The following RHOU variants were observed in gnomAD, a reference collection of about 807,000 sequenced individuals.
RHOU encodes the protein rho-related GTP-binding protein RhoU.
In RHOU, 8 loss-of-function variants were observed where a neutral mutation model predicts 12.6. The observed-to-expected ratio is 0.64, with a 90% CI of 0.37 to 1.15. RHOU has a LOEUF of 1.15. Among genes scored for constraint, RHOU ranks in the 50% most tolerant of loss-of-function variants. The pLI, the probability that RHOU is intolerant of heterozygous loss-of-function variation, is 0.01. For missense variants in RHOU, 258 were observed against 347.0 expected (o/e 0.74, Z 2.04); for synonymous variants, 161 against 147.4 (o/e 1.09, Z -0.67).
chr1:228,683,108 C>G, the RHOU span, among the ~76,000 whole-genome samples: 1 of 152,116 alleles, frequency 6.6e-6, no homozygotes, highest in Non-Finnish European at 1.5e-5. Flanking sequence ...AAATTGCCAC[C>G]CTTGGGATCT....
At chr1:228,653,465 A>G in the RHOU span, among the ~76,000 whole-genome samples, 13 of 152,262 alleles carry the variant, frequency 8.5e-5, 1 homozygote, top group South Asian at 2.5e-3. Flanking sequence ...GATTACAGGC[A>G]TGCTCCACCA....
the RHOU span, among the ~76,000 whole-genome samples, chr1:228,722,833 G>A: frequency 6.6e-6 from 1 of 152,138 alleles, no homozygotes; most frequent in Admixed American, 6.5e-5. Context: ...ACGTTGGCCA[G>A]GATGGTCTCG....
the RHOU span, among the ~76,000 whole-genome samples, chr1:228,698,622 C>G: frequency 1.3e-5 from 2 of 152,210 alleles, no homozygotes; most frequent in Non-Finnish European, 2.9e-5. Flanking sequence ...CTCATTTACT[C>G]TAAACCATGG....
chr1:228,670,599 C>T, the RHOU span, among the ~76,000 whole-genome samples: 164 of 152,318 alleles, frequency 1.1e-3, no homozygotes, highest in African/African-American at 3.8e-3. Flanking sequence ...CTGGAACGTT[C>T]TATGATGACT....
At chr1:228,655,614 G>A in the RHOU span, among the ~76,000 whole-genome samples, 13 of 152,120 alleles carry the variant, frequency 8.5e-5, no homozygotes, top group Non-Finnish European at 1.3e-4. Context: ...GCTCAAATGT[G>A]GCAAAAAAGG....
chr1:228,674,661 G>T, the RHOU span, among the ~76,000 whole-genome samples: 2 of 149,954 alleles, frequency 1.3e-5, no homozygotes, highest in Non-Finnish European at 3.0e-5. Flanking sequence ...AGTACCTTTT[G>T]TACCCGCTAA....
chr1:228,708,506 A>G, the RHOU span, among the ~76,000 whole-genome samples: 2 of 151,608 alleles, frequency 1.3e-5, no homozygotes, highest in Non-Finnish European at 2.9e-5. Flanking sequence ...CCAATATTCA[A>G]CATTCTTAAA....
the RHOU span, among the ~76,000 whole-genome samples, chr1:228,690,183 G>T: frequency 1.3e-5 from 2 of 148,170 alleles, no homozygotes; most frequent in South Asian, 4.4e-4. Context: ...TTGTTTGTTT[G>T]TTTTTGTTTT....
upstream of RHOU, among the ~76,000 whole-genome samples, chr1:228,731,416 A>G (rs1662493747): frequency 6.6e-6 from 1 of 152,226 alleles, no homozygotes; most frequent in Non-Finnish European, 1.5e-5. Context: ...GAGCCCAGAA[A>G]GATGGGCCCA....
the RHOU span, among the ~76,000 whole-genome samples, chr1:228,714,956 C>T: frequency 6.6e-6 from 1 of 151,840 alleles, no homozygotes; most frequent in East Asian, 1.9e-4. Context: ...GTTGGCCAAG[C>T]TGGTCTCAAA....
chr1:228,696,255 TC>T, the RHOU span, among the ~76,000 whole-genome samples: 36 of 149,904 alleles, frequency 2.4e-4, no homozygotes, highest in Non-Finnish European at 4.7e-4. Flanking sequence ...CAAAACGAAG[TC>T]CCTTAGAAAC....
At chr1:228,662,260 A>T in the RHOU span, among the ~76,000 whole-genome samples, 14 of 152,328 alleles carry the variant, frequency 9.2e-5, no homozygotes, top group East Asian at 2.3e-3. Context: ...ACCATTGTGG[A>T]AGACAGTGTG....
the RHOU span, among the ~76,000 whole-genome samples, chr1:228,647,245 T>G: frequency 2.0e-5 from 3 of 152,152 alleles, no homozygotes; most frequent in Non-Finnish European, 2.9e-5. Context: ...GAGGTGGGTT[T>G]CGTAGGCTCC....
In RHOU at chr1:228,745,368, A is replaced by G. The variant is rs1662806688; in HGVS notation, c.*1628A>G. 3 of 152,216 alleles carry G rather than the reference A, an allele frequency of 2.0e-5. No individual in the cohort carries two copies. Among genetic ancestry groups the G allele is most frequent in the Admixed American group, 6.6e-5 (1 of 15,266 alleles). 9.4% of individuals were successfully genotyped at this position (152,216 alleles called of 1,614,324 possible). A position where few individuals can be genotyped will look rare whatever the true frequency, so the allele number is the denominator to read the frequency against. ...ACTAATGAGGGAAATCTGTAAAGCCAGTTAGATAGAAGAATTTTATTTTTC... is the reference window on the plus strand; with the variant it reads ...ACTAATGAGGGAAATCTGTAAAGCCGGTTAGATAGAAGAATTTTATTTTTC... On this transcript the variant is annotated 3_prime_UTR_variant, in exon 3 of 3. Coordinates refer to ENST00000366691, the MANE Select transcript of RHOU (RefSeq NM_021205.6).
the RHOU span, among the ~76,000 whole-genome samples, chr1:228,668,198 A>G: frequency 6.6e-6 from 1 of 152,274 alleles, no homozygotes; most frequent in African/African-American, 2.4e-5. Context: ...CCACTGGGAC[A>G]GAAGCATCTG....
chr1:228,697,941 T>G, the RHOU span, among the ~76,000 whole-genome samples: 1 of 152,220 alleles, frequency 6.6e-6, no homozygotes, highest in African/African-American at 2.4e-5. Flanking sequence ...TAGCAATCAT[T>G]TAAGTTTTGT....
chr1:228,677,776 C>CTTAA, the RHOU span, among the ~76,000 whole-genome samples: 4 of 152,104 alleles, frequency 2.6e-5, no homozygotes, highest in African/African-American at 9.7e-5. Context: ...TCAAGAGAGG[C>CTTAA]TTAAGGGTGG....
At chr1:228,663,620 CTTTTCTTTTTT>C in the RHOU span, among the ~76,000 whole-genome samples, 1 of 80,822 alleles carries the variant, frequency 1.2e-5, no homozygotes, top group South Asian at 4.6e-4. Flanking sequence ...CTTTTCTTTT[CTTTTCTTTTTT>C]TTTTTTTTTT....
chr1:228,730,431 C>T, the RHOU span, among the ~76,000 whole-genome samples: 1 of 152,168 alleles, frequency 6.6e-6, no homozygotes, highest in South Asian at 2.1e-4. Flanking sequence ...GAGATGATAT[C>T]ACTGCAAAGC....
Sources: allele counts gnomAD v4.1 joint callset (sites outside exome capture counted in the v4.1 genomes callset), GRCh38; gene constraint gnomAD v4.1.1; transcripts MANE v1.5; gene names NCBI Gene and HGNC (gene_info 2026-07-23, HGNC 2026-07-21).